The following ME1 variants were observed in gnomAD, a reference collection of about 807,000 sequenced individuals.
ME1 encodes NADP-dependent malic enzyme.
Under a neutral mutation model 66.4 loss-of-function variants are expected in ME1, and 74 were observed. The observed-to-expected ratio is 1.11, with a 90% CI of 0.92 to 1.35. ME1 has a LOEUF of 1.35. Ranked by LOEUF, ME1 falls within the 40% of genes most tolerant of loss-of-function variation. The pLI, the probability that ME1 is intolerant of heterozygous loss-of-function variation, is 0.00. For synonymous variants in ME1, 251 were observed against 235.6 expected, an observed-to-expected ratio of 1.07 and a Z score of -0.60; for missense variants, 750 against 694.1, an observed-to-expected ratio of 1.08 and a Z score of -0.90.
intron 5 of ME1, among the ~76,000 whole-genome samples, chr6:83,321,485 T>C (rs1262761537): frequency 1.3e-5 from 2 of 152,120 alleles, no homozygotes; most frequent in African/African-American, 4.8e-5. Context: ...CCATCATTAC[T>C]GAGGCTCGAG....
chr6:83,328,781 C>T (rs534880863), intron 5 of ME1, among the ~76,000 whole-genome samples: 1 of 152,086 alleles, frequency 6.6e-6, no homozygotes, highest in Non-Finnish European at 1.5e-5. Context: ...AAGGGTGGAA[C>T]TTCTTTAGCA....
chr6:83,277,030 G>C (rs531349618), intron 6 of ME1, among the ~76,000 whole-genome samples: 1 of 152,338 alleles, frequency 6.6e-6, no homozygotes, highest in South Asian at 2.1e-4. Context: ...TCTTAAGACA[G>C]ACAGCCATCT....
intron 6 of ME1, among the ~76,000 whole-genome samples, chr6:83,268,546 A>T (rs114669088): frequency 0.014 from 2,053 of 151,990 alleles, 46 homozygotes; most frequent in African/African-American, 0.046. Context: ...CCAGAAAGTC[A>T]CTGATCTGCT....
chr6:83,394,637 T>C (rs4706175), intron 3 of ME1, among the ~76,000 whole-genome samples: 1,796 of 152,326 alleles, frequency 0.012, 46 homozygotes, highest in East Asian at 0.071. Context: ...ATAATACCTC[T>C]GAAATATTCC....
intron 8 of ME1, among the ~76,000 whole-genome samples, chr6:83,239,246 C>T (rs187798100): frequency 6.6e-6 from 1 of 152,138 alleles, no homozygotes; most frequent in African/African-American, 2.4e-5. Flanking sequence ...CATATATACA[C>T]ATACATTGGA....
chr6:83,422,884 G>A (rs190663221), intron 1 of ME1, among the ~76,000 whole-genome samples: 1 of 151,938 alleles, frequency 6.6e-6, no homozygotes, highest in African/African-American at 2.4e-5. Context: ...AATATCAAAA[G>A]GCCTAACATT....
intron 9 of ME1, among the ~76,000 whole-genome samples, chr6:83,236,851 T>A (rs1251264907): frequency 6.6e-6 from 1 of 152,070 alleles, no homozygotes; most frequent in East Asian, 1.9e-4. Context: ...CAACTCTCAA[T>A]AAAAAGTGAT....
intron 9 of ME1, among the ~76,000 whole-genome samples, chr6:83,230,912 G>A (rs1013428164): frequency 1.4e-4 from 22 of 151,980 alleles, no homozygotes; most frequent in South Asian, 4.2e-4. Flanking sequence ...CAGCCTGGGC[G>A]ACAGCGAGAC....
At chr6:83,298,272 G>T (rs1417650519) in intron 6 of ME1, among the ~76,000 whole-genome samples, 2 of 152,124 alleles carry the variant, frequency 1.3e-5, no homozygotes, top group African/African-American at 4.8e-5. Context: ...GCATGAGATG[G>T]TATCTCATTG....
In ME1 at chr6:83,406,379, G is replaced by A. The variant is rs371581966; in HGVS notation, c.212+1389C>T. 3.8e-3 allele frequency among the ~76,000 whole-genome samples: 571 copies of A among 152,262 alleles called. 1 individual carries two copies. Among genetic ancestry groups the A allele is most frequent in the African/African-American group, 0.013 (548 of 41,534 alleles). ...AGGGAGGAGTCCCTCCTTTTCGATT[G>A]TTTGGAATAGTTTCAGAAGGAATGG... On this transcript the variant is annotated intron_variant, in intron 2 of 13. Coordinates refer to ENST00000369705, the MANE Select transcript of ME1 (RefSeq NM_002395.6).
At chr6:83,291,905 T>A (rs1767511251) in intron 6 of ME1, among the ~76,000 whole-genome samples, 1 of 152,086 alleles carries the variant, frequency 6.6e-6, no homozygotes, top group Admixed American at 6.5e-5. Flanking sequence ...TTCTGCTTGA[T>A]CGAATCGGCT....
chr6:83,211,016 C>T lies in ME1; in HGVS notation c.*908G>A, dbSNP rs1364357680. On this transcript the variant is annotated 3_prime_UTR_variant, in exon 14 of 14. Coordinates refer to ENST00000369705, the MANE Select transcript of ME1 (RefSeq NM_002395.6). The stretch of plus-strand genomic sequence containing the variant: ...AAGAGGCCATTCTGGCAGGTAACTC[C>T]AGTAGGAACCTAACTTGTTGTCTTA... 1 of 152,216 alleles carries T rather than the reference C, an allele frequency of 6.6e-6. No individual in the cohort carries two copies. Among genetic ancestry groups the T allele is most frequent in the Non-Finnish European group, 1.5e-5 (1 of 68,042 alleles). The allele number at this position is 152,216 out of a possible 1,614,324, so 9.4% of individuals were successfully genotyped here. A position where few individuals can be genotyped will look rare whatever the true frequency, so the allele number is the denominator to read the frequency against.
chr6:83,389,226 T>C (rs184774269), intron 3 of ME1, among the ~76,000 whole-genome samples: 1 of 152,328 alleles, frequency 6.6e-6, no homozygotes, highest in Admixed American at 6.5e-5. Flanking sequence ...GTTAGCATAA[T>C]ACACTTAAAC....
chr6:83,398,490 T>C lies in ME1; in HGVS notation c.239A>G (p.Asp80Gly), dbSNP rs141369691. The change falls in exon 3 of 14, where the codon GAT becomes GGT. Residue 80 changes from aspartate to glycine, a missense_variant. Coordinates refer to ENST00000369705, the MANE Select transcript of ME1 (RefSeq NM_002395.6). The part of the protein sequence containing the change: ...DRYLLLMDLQ[D>G]RNEKLFYRVL... ...TCTATAAAAGAGTTTTTCATTTCTA[T>C]CTTGGAGATCCATTAAGAGAAGATA... 4 of 1,567,908 alleles carry C rather than the reference T, an allele frequency of 2.6e-6. No individual in the cohort carries two copies. Among genetic ancestry groups the C allele is most frequent in the East Asian group, 4.6e-5 (2 of 43,254 alleles).
intron 7 of ME1, among the ~76,000 whole-genome samples, chr6:83,243,783 T>A (rs890611559): frequency 2.2e-5 from 3 of 135,252 alleles, no homozygotes; most frequent in African/African-American, 8.3e-5. Flanking sequence ...TATTTATATA[T>A]AATTATCTTA....
intron 13 of ME1, among the ~76,000 whole-genome samples, chr6:83,214,453 T>C (rs1022947852): frequency 2.6e-5 from 4 of 152,174 alleles, no homozygotes; most frequent in Non-Finnish European, 5.9e-5. Context: ...CATCTGTTTT[T>C]CTCTCCAGGA....
rs948791205 is a variant in ME1, at chr6:83,315,851, C to T, written c.601-438G>A. Reference sequence around the variant, plus strand: ...GGTGGAGGTTGCAGTGAACCAAGATCGCACCACTGCACTCCAGCCTGGGCA... The same window carrying T: ...GGTGGAGGTTGCAGTGAACCAAGATTGCACCACTGCACTCCAGCCTGGGCA... On this transcript the variant is annotated intron_variant, in intron 5 of 13. Coordinates refer to ENST00000369705, the MANE Select transcript of ME1 (RefSeq NM_002395.6). Among the ~76,000 whole-genome samples, 4 of 152,020 alleles carry T rather than the reference C, an allele frequency of 2.6e-5. No homozygotes were observed. In the South Asian group the frequency reaches 6.2e-4, roughly 24 times the overall value.
chr6:83,403,569 G>A (rs1392578998), intron 2 of ME1, among the ~76,000 whole-genome samples: 2 of 152,054 alleles, frequency 1.3e-5, no homozygotes, highest in East Asian at 3.9e-4. Flanking sequence ...ATGTGCCATG[G>A]TGGTTTGCTG....
At chr6:83,242,608 C>T (rs1342656738) in intron 7 of ME1, among the ~76,000 whole-genome samples, 8 of 152,054 alleles carry the variant, frequency 5.3e-5, no homozygotes, top group African/African-American at 7.2e-5. Context: ...GACATGAAGG[C>T]AGGGATGACT....
Sources: allele counts gnomAD v4.1 joint callset (sites outside exome capture counted in the v4.1 genomes callset), GRCh38; gene constraint gnomAD v4.1.1; transcripts MANE v1.5; gene names NCBI Gene and HGNC (gene_info 2026-07-23, HGNC 2026-07-21).